TSGA10: variants seen among roughly 807,000 people sequenced by gnomAD.
The protein encoded by TSGA10 is testis-specific gene 10 protein.
In TSGA10, 43 loss-of-function variants were observed where a neutral mutation model predicts 96.6. That is an observed-to-expected ratio of 0.44 (90% CI 0.35 to 0.57). TSGA10 has a LOEUF of 0.57. Ranked by LOEUF, TSGA10 falls within the 20% of genes least tolerant of loss-of-function variation. The probability of loss-of-function intolerance (pLI) is 0.01; values close to 1 mark genes in which losing one functional copy is unlikely to be tolerated. For missense variants in TSGA10, 703 were observed against 834.4 expected (o/e 0.84, Z 1.94); for synonymous variants, 229 against 269.9 (o/e 0.85, Z 1.48).
intron 16 of TSGA10, among the ~76,000 whole-genome samples, chr2:99,064,031 AAAT>A (rs1181117390): frequency 3.3e-5 from 5 of 152,182 alleles, no homozygotes. Context: ...ACATTTGAGA[AAAT>A]AACTCAGGAT....
intron 15 of TSGA10, 57 bp downstream of exon 15, chr2:99,068,831 A>G: frequency 2.4e-6 from 2 of 837,586 alleles, no homozygotes; most frequent in South Asian, 3.3e-5. Context: ...ACCAACTTCT[A>G]AATTAACTCT....
intron 17 of TSGA10, among the ~76,000 whole-genome samples, chr2:99,028,799 G>C (rs755427077): frequency 6.6e-6 from 1 of 151,990 alleles, no homozygotes. Context: ...TTTTGTTTTC[G>C]TGATGTTTCC....
chr2:99,007,676 CTT>C (rs778281889), intron 20 of TSGA10, among the ~76,000 whole-genome samples: 7 of 152,148 alleles, frequency 4.6e-5, no homozygotes, highest in Non-Finnish European at 8.8e-5. Context: ...GAACACCACT[CTT>C]GATATAAAAC....
intron 11 of TSGA10, among the ~76,000 whole-genome samples, chr2:99,079,657 A>G (rs764309279): frequency 6.6e-6 from 1 of 152,132 alleles, no homozygotes; most frequent in Non-Finnish European, 1.5e-5. Flanking sequence ...TTAGAGACAC[A>G]AAAGCTCTGG....
intron 1 of TSGA10, among the ~76,000 whole-genome samples, chr2:99,133,298 T>A (rs1004027033): frequency 3.9e-5 from 6 of 152,220 alleles, no homozygotes; most frequent in Non-Finnish European, 7.3e-5. Flanking sequence ...TTTAGGATAA[T>A]TAGCTCTTCT....
intron 10 of TSGA10, among the ~76,000 whole-genome samples, chr2:99,099,667 AG>A (rs1309165332): frequency 1.3e-5 from 2 of 152,192 alleles, no homozygotes; most frequent in African/African-American, 2.4e-5. Flanking sequence ...AATATTACAT[AG>A]TTATCAAAGA....
chr2:99,078,862 T>C, intron 11 of TSGA10, 49 bp from the exon 12 acceptor site: 1 of 1,510,012 alleles, frequency 6.6e-7, no homozygotes, highest in Non-Finnish European at 8.9e-7. Flanking sequence ...TAAAATCTTT[T>C]TTCTATTTCA....
intron 1 of TSGA10, among the ~76,000 whole-genome samples, chr2:99,142,650 C>G (rs985984899): frequency 6.6e-6 from 1 of 152,026 alleles, no homozygotes. Context: ...TTAGAGGACA[C>G]AAGGAGCACA....
At chr2:99,149,442 C>CTTT (rs35395900) in intron 1 of TSGA10, among the ~76,000 whole-genome samples, 3 of 132,810 alleles carry the variant, frequency 2.3e-5, no homozygotes, top group Admixed American at 1.6e-4. Flanking sequence ...ACATGATCAT[C>CTTT]TTTTTTTTTT....
intron 12 of TSGA10, among the ~76,000 whole-genome samples, chr2:99,073,995 C>CTTTTTTT (rs2086298056): frequency 1.7e-4 from 6 of 36,130 alleles, no homozygotes; most frequent in African/African-American, 6.7e-4. Flanking sequence ...GTTCCTGTTT[C>CTTTTTTT]TTTTCTTTTT....
In TSGA10 at chr2:99,086,119, T is replaced by C. The variant is rs542602694; in HGVS notation, c.612-4722A>G. Among the ~76,000 whole-genome samples, 151 of 149,952 alleles carry C rather than the reference T, an allele frequency of 1.0e-3. 1 individual carries two copies. Among genetic ancestry groups the C allele is most frequent in the Non-Finnish European group, 1.8e-3 (124 of 68,010 alleles). The stretch of plus-strand genomic sequence containing the variant: ...AAATATTCTGTACAACAAACACCCA[T>C]GACAGGGGTTTACCTACATAACAAA... On this transcript the variant is annotated intron_variant, in intron 10 of 20. Transcript: ENST00000393483.
At chr2:99,095,761 C>A (rs1263674937) in intron 10 of TSGA10, among the ~76,000 whole-genome samples, 1 of 152,218 alleles carries the variant, frequency 6.6e-6, no homozygotes, top group African/African-American at 2.4e-5. Flanking sequence ...CTGCCTCAGC[C>A]TCCCCAGTAG....
intron 16 of TSGA10, among the ~76,000 whole-genome samples, chr2:99,063,614 C>G (rs1051681582): frequency 6.6e-6 from 1 of 151,792 alleles, no homozygotes; most frequent in Admixed American, 6.6e-5. Flanking sequence ...AACAGCCTGG[C>G]CAACATGGTG....
chr2:99,018,073 A>G (rs1056597879), intron 20 of TSGA10, 127 bp downstream of exon 20: 91 of 798,310 alleles, frequency 1.1e-4, no homozygotes, highest in Non-Finnish European at 1.6e-4. Flanking sequence ...ATATCAATAT[A>G]TCTTGGTAAT....
At chr2:99,087,322 C>T (rs2088641131) in intron 10 of TSGA10, among the ~76,000 whole-genome samples, 1 of 151,912 alleles carries the variant, frequency 6.6e-6, no homozygotes, top group Admixed American at 6.6e-5. Flanking sequence ...GCCTGACCAA[C>T]GTGGAGAAAC....
At chr2:99,123,052 T>C (rs1244373916) in intron 2 of TSGA10, among the ~76,000 whole-genome samples, 2 of 152,190 alleles carry the variant, frequency 1.3e-5, no homozygotes, top group East Asian at 3.8e-4. Flanking sequence ...ACAGGTTTGC[T>C]TTTTTCTAGC....
Position 99,109,515 on chromosome 2 carries a change from A to G in TSGA10, c.-73-3T>C. The G allele has an allele frequency of 6.4e-7, 1 of 1,562,192 alleles. No homozygotes were observed. On this transcript the variant is annotated splice_region_variant and splice_polypyrimidine_tract_variant and intron_variant, in intron 5 of 20. Transcript: ENST00000393483. ...AAGTCTTGACAAAGGAATCAAGTCTAGAAGGAGATTTATTTTGTGCTTTTT... is the reference window on the plus strand; with the variant it reads ...AAGTCTTGACAAAGGAATCAAGTCTGGAAGGAGATTTATTTTGTGCTTTTT...
rs148864970 is a variant in TSGA10 at position 99,025,118 on chromosome 2, G to A, written c.1615-4636C>T. Among the ~76,000 whole-genome samples, 1,462 of 152,264 alleles carry A rather than the reference G, an allele frequency of 9.6e-3. 9 individuals carry two copies. Among genetic ancestry groups the A allele is most frequent in the Non-Finnish European group, 0.014 (936 of 68,014 alleles). ...TTATTTTCCTGTGAGGTGTTTGTCT[G>A]GCTTTGGCCTCAGGGCAATAATGGC... On this transcript the variant is annotated intron_variant, in intron 17 of 20. Transcript: ENST00000393483.
chr2:99,010,809 G>A (rs2078933897), intron 20 of TSGA10, among the ~76,000 whole-genome samples: 1 of 152,206 alleles, frequency 6.6e-6, no homozygotes. Context: ...ACAGGGAAGG[G>A]CCAGGTTCAA....
Sources: allele counts gnomAD v4.1 joint callset (sites outside exome capture counted in the v4.1 genomes callset), GRCh38; gene constraint gnomAD v4.1.1; transcripts MANE v1.5; gene names NCBI Gene and HGNC (gene_info 2026-07-23, HGNC 2026-07-21).